Variants in DPF3 observed in about 807,000 individuals in gnomAD.
DPF3 encodes zinc finger protein DPF3.
DPF3 carries 18 observed loss-of-function variants against 56.8 expected under a neutral mutation model. The ratio of observed to expected loss-of-function variants is 0.32; its 90% CI spans 0.22 to 0.47. DPF3 has a LOEUF of 0.47. Ranked by LOEUF, DPF3 falls within the 20% of genes least tolerant of loss-of-function variation. The probability of loss-of-function intolerance (pLI) is 1.00; values close to 1 mark genes in which losing one functional copy is unlikely to be tolerated. For missense variants in DPF3, 403 were observed against 488.8 expected, an observed-to-expected ratio of 0.82 and a Z score of 1.65; for synonymous variants, 188 against 180.2, an observed-to-expected ratio of 1.04 and a Z score of -0.35.
rs1315415635 is a variant in DPF3, at chr14:72,737,202, C to CA, written c.302-5269dup. Among the ~76,000 whole-genome samples, 10 of 147,286 alleles carry CA rather than the reference C, an allele frequency of 6.8e-5. No individual in the cohort carries two copies. In the East Asian group the frequency reaches 1.6e-3, roughly 24 times the overall value. ...GCACAAATAAAAGCAAAAAAACAAA[C>CA]AAACAAACAAAAAAAACCACACACA... is the stretch of plus-strand genomic sequence containing the variant. On this transcript the variant is annotated intron_variant, in intron 3 of 10. Transcript: ENST00000556509.
At chr14:72,893,997 G>C (rs1431294730) in intron 1 of DPF3, 60 bp downstream of exon 1, 1 of 1,599,996 alleles carries the variant, frequency 6.3e-7, no homozygotes, top group East Asian at 2.2e-5. Flanking sequence ...CCACGCAGAA[G>C]GCGCCTTTTT....
At position 72,804,580 on chromosome 14, in the gene DPF3, A is replaced by C. The variant is rs564746862; in HGVS notation, c.33-32687T>G. 5.9e-5 allele frequency among the ~76,000 whole-genome samples: 9 copies of C among 152,222 alleles called. No individual in the cohort carries two copies. The South Asian group carries it at 1.9e-3, about 32-fold the overall frequency. ...AGGCCTTCTTTCATGGAATTGATAG[A>C]GTATTGGGGGAAGGGGCTGAGAGGT... is the stretch of plus-strand genomic sequence containing the variant. On this transcript the variant is annotated intron_variant, in intron 1 of 10. Coordinates refer to ENST00000556509, the MANE Select transcript of DPF3 (RefSeq NM_001280542.3).
chr14:72,783,431 T>C (rs991752284), intron 1 of DPF3, among the ~76,000 whole-genome samples: 8 of 152,160 alleles, frequency 5.3e-5, no homozygotes, highest in Non-Finnish European at 8.8e-5. Context: ...ACTGACAGCT[T>C]GAATGATACC....
At chr14:72,831,748 T>C (rs1157741000) in intron 1 of DPF3, among the ~76,000 whole-genome samples, 1 of 152,216 alleles carries the variant, frequency 6.6e-6, no homozygotes, top group Non-Finnish European at 1.5e-5. Flanking sequence ...TAAATCTCAC[T>C]TTTCCTGAAA....
intron 5 of DPF3, among the ~76,000 whole-genome samples, chr14:72,720,488 C>T (rs1376037269): frequency 6.6e-6 from 1 of 152,210 alleles, no homozygotes; most frequent in Non-Finnish European, 1.5e-5. Flanking sequence ...TATCACTGTA[C>T]AACATGGAAC....
At chr14:72,888,509 T>C (rs1030470373) in intron 1 of DPF3, among the ~76,000 whole-genome samples, 3 of 152,152 alleles carry the variant, frequency 2.0e-5, no homozygotes, top group African/African-American at 7.2e-5. Flanking sequence ...CTCAAACAAC[T>C]AGAAAACTTT....
chr14:72,724,218 C>T (rs1384398655), intron 4 of DPF3: 2 of 151,418 alleles, frequency 1.3e-5, no homozygotes, highest in Admixed American at 6.6e-5. Context: ...CATAATAAGC[C>T]ACTGCTTTTT....
intron 1 of DPF3, among the ~76,000 whole-genome samples, chr14:72,883,938 A>AG (rs1453528681): frequency 6.7e-4 from 100 of 149,656 alleles, no homozygotes; most frequent in Non-Finnish European, 1.0e-3. Context: ...AAAAAAAAAA[A>AG]AAAAGAAAAA....
rs565322797 is a variant in DPF3 at position 72,859,476 on chromosome 14, C to A, written c.32+34581G>T. On this transcript the variant is annotated intron_variant, in intron 1 of 10. Transcript: ENST00000556509. The stretch of plus-strand genomic sequence containing the variant: ...TGGTTCTCTGCAGCTTCCTCCCCCC[C>A]CCCCCCCACACCATTCCCCCCTAAC... Among the ~76,000 whole-genome samples, 57 of 106,954 alleles carry A rather than the reference C, an allele frequency of 5.3e-4. 2 individuals are homozygous for A. In the East Asian group the frequency reaches 7.3e-3, roughly 14 times the overall value. The allele number at this position is 106,954 out of a possible 152,430, so 70.2% of individuals were successfully genotyped here. A position where few individuals can be genotyped will look rare whatever the true frequency, so the allele number is the denominator to read the frequency against.
intron 2 of DPF3, among the ~76,000 whole-genome samples, chr14:72,754,739 A>G (rs941003232): frequency 6.6e-6 from 1 of 152,080 alleles, no homozygotes; most frequent in African/African-American, 2.4e-5. Flanking sequence ...ATTGCTATAT[A>G]CTCATTCATT....
At chr14:72,763,728 A>AT (rs767463912) in intron 2 of DPF3, among the ~76,000 whole-genome samples, 4 of 152,208 alleles carry the variant, frequency 2.6e-5, no homozygotes, top group Non-Finnish European at 4.4e-5. Flanking sequence ...GAATAAATTG[A>AT]TAAACTGGAT....
intron 1 of DPF3, among the ~76,000 whole-genome samples, chr14:72,883,599 C>T (rs1436403486): frequency 6.6e-6 from 1 of 152,328 alleles, no homozygotes; most frequent in African/African-American, 2.4e-5. Flanking sequence ...ACTCTGAGAT[C>T]TGACCCCACC....
At chr14:72,691,462 C>T (rs2153572855) in intron 7 of DPF3, among the ~76,000 whole-genome samples, 1 of 152,304 alleles carries the variant, frequency 6.6e-6, no homozygotes, top group Admixed American at 6.5e-5. Context: ...GGCGTGGTGG[C>T]TCACACCTAT....
Position 72,784,957 on chromosome 14 carries a change from CA to C in DPF3, c.33-13065del, listed in dbSNP as rs796423196. 4.8e-3 allele frequency among the ~76,000 whole-genome samples: 628 copies of C among 130,698 alleles called. 4 individuals carry two copies. Among genetic ancestry groups the C allele is most frequent in the African/African-American group, 0.015 (535 of 35,534 alleles). The allele number at this position is 130,698 out of a possible 152,430, so 85.7% of individuals were successfully genotyped here. On this transcript the variant is annotated intron_variant, in intron 1 of 10. Coordinates refer to ENST00000556509, the MANE Select transcript of DPF3 (RefSeq NM_001280542.3). ...GGGCAACAAGAGCAAAACACCGCCT[CA>C]AAAAAAAAAAAGTTGAAAATGAATA...
At chr14:72,703,175 C>T (rs998068852) in intron 6 of DPF3, among the ~76,000 whole-genome samples, 1 of 152,164 alleles carries the variant, frequency 6.6e-6, no homozygotes, top group African/African-American at 2.4e-5. Flanking sequence ...CCCACCCCAC[C>T]CTGCACGATT....
At chr14:72,686,290 A>C (rs1354873924) in intron 7 of DPF3, among the ~76,000 whole-genome samples, 1 of 152,224 alleles carries the variant, frequency 6.6e-6, no homozygotes, top group African/African-American at 2.4e-5. Context: ...GTGGTCACAG[A>C]CATGCCTGTG....
At chr14:72,626,000 C>T (rs1445000748) in intron 9 of DPF3, among the ~76,000 whole-genome samples, 1 of 152,156 alleles carries the variant, frequency 6.6e-6, no homozygotes, top group East Asian at 1.9e-4. Flanking sequence ...CTGTCCTTAG[C>T]TTTACAACAC....
chr14:72,620,087 C>T, intron 9 of DPF3, 103 bp from the exon 10 acceptor site: 1 of 1,219,214 alleles, frequency 8.2e-7, no homozygotes, highest in Non-Finnish European at 1.1e-6. Flanking sequence ...GTCGGTCTCA[C>T]TGGATCCCCT....
At chr14:72,643,169 C>A (rs1229413711) in intron 8 of DPF3, among the ~76,000 whole-genome samples, 1 of 152,230 alleles carries the variant, frequency 6.6e-6, no homozygotes, top group Non-Finnish European at 1.5e-5. Flanking sequence ...AGTGGCAACC[C>A]AATGGCATTT....
Sources: allele counts gnomAD v4.1 joint callset (sites outside exome capture counted in the v4.1 genomes callset), GRCh38; gene constraint gnomAD v4.1.1; transcripts MANE v1.5; gene names NCBI Gene and HGNC (gene_info 2026-07-23, HGNC 2026-07-21).